The following ACOXL variants were observed in gnomAD, a reference collection of about 807,000 sequenced individuals.
The protein encoded by ACOXL is acyl-coenzyme A oxidase-like protein.
A neutral mutation model predicts 71.9 loss-of-function variants in ACOXL; 70 were observed. The ratio of observed to expected loss-of-function variants is 0.97; its 90% CI spans 0.80 to 1.19. The LOEUF (loss-of-function observed/expected upper bound fraction) is 1.19. Ranked by LOEUF, ACOXL falls within the 50% of genes most tolerant of loss-of-function variation. ACOXL has a pLI of 0.00. For synonymous variants in ACOXL, 253 were observed against 281.6 expected, an observed-to-expected ratio of 0.90 and a Z score of 1.02; for missense variants, 703 against 736.3, an observed-to-expected ratio of 0.95 and a Z score of 0.52.
chr2:111,028,275 C>A (rs1284915785), intron 14 of ACOXL, among the ~76,000 whole-genome samples: 1 of 151,800 alleles, frequency 6.6e-6, no homozygotes, highest in African/African-American at 2.4e-5. Flanking sequence ...CTTACTTACT[C>A]CTTTTTGTTT....
intron 12 of ACOXL, among the ~76,000 whole-genome samples, chr2:110,943,374 G>T (rs2060969159): frequency 6.6e-6 from 1 of 152,084 alleles, no homozygotes; most frequent in Non-Finnish European, 1.5e-5. Flanking sequence ...AGAAAAGAGA[G>T]AAAATTGAGG....
intron 16 of ACOXL, among the ~76,000 whole-genome samples, chr2:111,071,017 C>A (rs1287769222): frequency 6.6e-6 from 1 of 152,138 alleles, no homozygotes; most frequent in Non-Finnish European, 1.5e-5. Context: ...AATCCAAAGA[C>A]TTAGAAGGAA....
intron 1 of ACOXL, among the ~76,000 whole-genome samples, chr2:110,746,548 T>G (rs1391695117): frequency 6.6e-6 from 1 of 152,130 alleles, no homozygotes; most frequent in Non-Finnish European, 1.5e-5. Context: ...CTCCTGGGCA[T>G]GTTGCCTGCC....
chr2:110,987,634 T>C (rs1388720914), intron 13 of ACOXL, among the ~76,000 whole-genome samples: 2 of 152,240 alleles, frequency 1.3e-5, no homozygotes, highest in Admixed American at 6.5e-5. Context: ...TTTGGTTGTT[T>C]GTATTAATCT....
chr2:111,116,837 C>G (rs1574812034), intron 17 of ACOXL, among the ~76,000 whole-genome samples: 1 of 151,686 alleles, frequency 6.6e-6, no homozygotes, highest in Non-Finnish European at 1.5e-5. Flanking sequence ...AATACATTGG[C>G]ACCTAAGCCA....
intron 10 of ACOXL, among the ~76,000 whole-genome samples, chr2:110,846,373 G>A (rs146166801): frequency 9.2e-5 from 14 of 152,258 alleles, no homozygotes; most frequent in African/African-American, 3.1e-4. Flanking sequence ...CGATGAATGT[G>A]CAGAGGAGGG....
At chr2:110,802,203 A>G (rs1180137087) in intron 8 of ACOXL, among the ~76,000 whole-genome samples, 4 of 152,116 alleles carry the variant, frequency 2.6e-5, no homozygotes, top group African/African-American at 9.7e-5. Context: ...TTGGGCATTT[A>G]GTTTTTTTTC....
At chr2:110,918,926 G>T (rs891305982) in intron 11 of ACOXL, among the ~76,000 whole-genome samples, 3 of 152,224 alleles carry the variant, frequency 2.0e-5, no homozygotes, top group Non-Finnish European at 4.4e-5. Context: ...AGGATGTGGA[G>T]AAATAGGAAT....
intron 13 of ACOXL, among the ~76,000 whole-genome samples, chr2:110,990,195 T>G (rs2063115637): frequency 2.0e-5 from 3 of 152,376 alleles, no homozygotes; most frequent in East Asian, 1.9e-4. Context: ...AAGCAGGTCT[T>G]CCTCTCAAAG....
intron 14 of ACOXL, among the ~76,000 whole-genome samples, chr2:111,000,370 G>A (rs1210489888): frequency 6.6e-6 from 1 of 152,194 alleles, no homozygotes; most frequent in Admixed American, 6.5e-5. Context: ...GGCTTTCAGT[G>A]ATGTGCAAGA....
intron 13 of ACOXL, among the ~76,000 whole-genome samples, chr2:110,990,410 T>C (rs1360756840): frequency 6.6e-6 from 1 of 152,234 alleles, no homozygotes; most frequent in Non-Finnish European, 1.5e-5. Context: ...TTTAAATGTG[T>C]CTGTAGATTC....
At chr2:110,742,770 A>C (rs930791776) in intron 1 of ACOXL, among the ~76,000 whole-genome samples, 7 of 152,230 alleles carry the variant, frequency 4.6e-5, no homozygotes, top group Non-Finnish European at 1.0e-4. Context: ...TTAACTTAAG[A>C]CCTGAAACTG....
intron 12 of ACOXL, among the ~76,000 whole-genome samples, chr2:110,965,538 T>C (rs184270926): frequency 1.1e-3 from 162 of 152,334 alleles, no homozygotes; most frequent in African/African-American, 3.8e-3. Context: ...TAAGGTGATG[T>C]GTTGTGCTAT....
intron 15 of ACOXL, among the ~76,000 whole-genome samples, chr2:111,046,839 T>A (rs55808773): frequency 0.013 from 1,899 of 151,526 alleles, 36 homozygotes; most frequent in Non-Finnish European, 0.019. Flanking sequence ...TGAATGAGAG[T>A]CAGGAGCCAT....
At chr2:110,874,272 A>G (rs1695625498) in intron 10 of ACOXL, among the ~76,000 whole-genome samples, 2 of 152,158 alleles carry the variant, frequency 1.3e-5, no homozygotes, top group East Asian at 1.9e-4. Flanking sequence ...TGCGTGCCCC[A>G]CGTTGGTTGG....
At chr2:110,863,596 C>G (rs534851108) in intron 10 of ACOXL, among the ~76,000 whole-genome samples, 18 of 152,214 alleles carry the variant, frequency 1.2e-4, no homozygotes, top group South Asian at 2.1e-4. Flanking sequence ...CCTGAGCACC[C>G]CCCCCAACTG....
At chr2:110,763,512 C>T (rs1449136418) in intron 1 of ACOXL, among the ~76,000 whole-genome samples, 1 of 152,140 alleles carries the variant, frequency 6.6e-6, no homozygotes, top group African/African-American at 2.4e-5. Flanking sequence ...TAAATCTATA[C>T]ATAGACCTTA....
chr2:110,804,534 T>A (rs555470836), intron 8 of ACOXL, among the ~76,000 whole-genome samples: 1 of 152,260 alleles, frequency 6.6e-6, no homozygotes, highest in South Asian at 2.1e-4. Context: ...TATACACAAA[T>A]GTCCATAGCA....
chr2:111,035,776 A>C (rs2065483163), intron 15 of ACOXL, among the ~76,000 whole-genome samples: 1 of 152,228 alleles, frequency 6.6e-6, no homozygotes, highest in Non-Finnish European at 1.5e-5. Context: ...ACATGATCGC[A>C]TGCATTATTA....
Sources: allele counts gnomAD v4.1 joint callset (sites outside exome capture counted in the v4.1 genomes callset), GRCh38; gene constraint gnomAD v4.1.1; transcripts MANE v1.5; gene names NCBI Gene and HGNC (gene_info 2026-07-23, HGNC 2026-07-21).